Variants in GAB2 observed in about 807,000 individuals in gnomAD.
GAB2 encodes GRB2 associated binding protein 2.
GAB2 carries 26 observed loss-of-function variants against 65.5 expected under a neutral mutation model. The observed-to-expected ratio is 0.40, with a 90% CI of 0.29 to 0.55. The LOEUF is 0.55. GAB2 is among the 20% of genes least tolerant of loss of function. The pLI is 0.53. For missense variants in GAB2, 884 were observed against 875.8 expected (o/e 1.01, Z -0.12); for synonymous variants, 321 against 329.6 (o/e 0.97, Z 0.28).
intron 2 of GAB2, among the ~76,000 whole-genome samples, chr11:78,253,884 CGA>C (rs1865525375): frequency 6.6e-6 from 1 of 152,298 alleles, no homozygotes; most frequent in Admixed American, 6.5e-5. Context: ...AGAATAAAGT[CGA>C]GTTTCCTCAG....
At chr11:78,273,976 T>C (rs575776894) in intron 2 of GAB2, among the ~76,000 whole-genome samples, 4 of 152,026 alleles carry the variant, frequency 2.6e-5, no homozygotes, top group Non-Finnish European at 4.4e-5. Flanking sequence ...TCCTCAGTCA[T>C]GTGGAACTGT....
intron 4 of GAB2, among the ~76,000 whole-genome samples, chr11:78,225,955 TGG>T (rs1864632383): frequency 6.6e-6 from 1 of 152,220 alleles, no homozygotes; most frequent in African/African-American, 2.4e-5. Flanking sequence ...ATACTCTCAG[TGG>T]AAAACAAGTA....
intron 1 of GAB2, among the ~76,000 whole-genome samples, chr11:78,410,995 A>T (rs572285021): frequency 2.0e-4 from 30 of 151,924 alleles, no homozygotes; most frequent in African/African-American, 6.0e-4. Flanking sequence ...CAAATAATAA[A>T]AAAAAAAATT....
At chr11:78,260,006 C>G (rs1865689100) in intron 2 of GAB2, among the ~76,000 whole-genome samples, 1 of 152,158 alleles carries the variant, frequency 6.6e-6, no homozygotes, top group South Asian at 2.1e-4. Flanking sequence ...TATAGTATCA[C>G]TCATTATTTG....
At chr11:78,400,490 T>G (rs1024712950) in intron 1 of GAB2, among the ~76,000 whole-genome samples, 17 of 152,188 alleles carry the variant, frequency 1.1e-4, no homozygotes, top group Admixed American at 8.5e-4. Flanking sequence ...CTGTCAAAAT[T>G]AATTTGGATG....
At chr11:78,242,137 A>G (rs1356994973) in intron 3 of GAB2, among the ~76,000 whole-genome samples, 1 of 152,246 alleles carries the variant, frequency 6.6e-6, no homozygotes, top group Non-Finnish European at 1.5e-5. Context: ...GGAAATTTCA[A>G]AATTGTACAA....
intron 1 of GAB2, chr11:78,341,815 C>A (rs1856100535): frequency 1.0e-6 from 1 of 985,664 alleles, no homozygotes; most frequent in Non-Finnish European, 1.2e-6. Flanking sequence ...TATTGCTAGC[C>A]TCGCCTTTGT....
At chr11:78,294,283 T>C (rs890463430) in intron 1 of GAB2, among the ~76,000 whole-genome samples, 33 of 152,208 alleles carry the variant, frequency 2.2e-4, no homozygotes, top group Non-Finnish European at 3.7e-4. Flanking sequence ...CCATGGTGTA[T>C]ATGTGCCACA....
chr11:78,355,134 C>A (rs183533280), intron 1 of GAB2, among the ~76,000 whole-genome samples: 1 of 152,172 alleles, frequency 6.6e-6, no homozygotes, highest in Non-Finnish European at 1.5e-5. Context: ...AGATCCTCCA[C>A]GGGAATAGGG....
chr11:78,304,015 C>T (rs1215935411), intron 1 of GAB2, among the ~76,000 whole-genome samples: 1 of 151,492 alleles, frequency 6.6e-6, no homozygotes, highest in East Asian at 1.9e-4. Context: ...CAAATGAGGC[C>T]CATGAATTAT....
chr11:78,227,123 T>C (rs765266891), intron 3 of GAB2, 72 bp from the exon 4 acceptor site: 2 of 1,011,632 alleles, frequency 2.0e-6, no homozygotes, highest in East Asian at 2.5e-5. Context: ...GGCAAAGCAC[T>C]TTCTCTTTCT....
At chr11:78,280,487 T>C (rs1866304017) in intron 2 of GAB2, 114 bp downstream of exon 2, 1 of 854,130 alleles carries the variant, frequency 1.2e-6, no homozygotes, top group South Asian at 1.6e-5. Context: ...TTACCCTTTA[T>C]CTATGAACGC....
chr11:78,291,421 G>A (rs962826929), intron 1 of GAB2, among the ~76,000 whole-genome samples: 7 of 149,730 alleles, frequency 4.7e-5, no homozygotes, highest in Non-Finnish European at 7.4e-5. Flanking sequence ...AGCGGAGATC[G>A]CACCACTGCA....
chr11:78,397,374 C>T lies in GAB2; in HGVS notation c.75+20272G>A, dbSNP rs1222829949. Among the ~76,000 whole-genome samples the T allele has an allele frequency of 2.0e-5, 3 of 152,292 alleles. No individual in the cohort carries two copies. The East Asian group carries it at 5.8e-4, about 29-fold the overall frequency. On this transcript the variant is annotated intron_variant, in intron 1 of 9. Transcript: ENST00000361507. ...AGGCTACAAGAACATGAACAAAGGG[C>T]ATGGTGCATTGGAAAAGCTACCATT...
At chr11:78,393,211 AG>A (rs1307028660) in intron 1 of GAB2, among the ~76,000 whole-genome samples, 3 of 152,216 alleles carry the variant, frequency 2.0e-5, no homozygotes, top group Non-Finnish European at 4.4e-5. Flanking sequence ...AGGTCTCAAA[AG>A]GGAGCTGCTG....
At chr11:78,384,015 G>C (rs919809240) in intron 1 of GAB2, among the ~76,000 whole-genome samples, 1 of 152,164 alleles carries the variant, frequency 6.6e-6, no homozygotes, top group Non-Finnish European at 1.5e-5. Flanking sequence ...GCATAGTTGA[G>C]CAAAGAAAGA....
At chr11:78,332,647 A>G (rs1855934853) in intron 1 of GAB2, among the ~76,000 whole-genome samples, 1 of 152,264 alleles carries the variant, frequency 6.6e-6, no homozygotes, top group Non-Finnish European at 1.5e-5. Flanking sequence ...AGCAAGAGGT[A>G]GCAATGGCAT....
intron 1 of GAB2, among the ~76,000 whole-genome samples, chr11:78,285,357 C>A (rs10793294): frequency 0.62 from 94,030 of 152,120 alleles, 31,623 homozygotes; most frequent in Non-Finnish European, 0.78. Flanking sequence ...GTGGTGTAGG[C>A]TGATAAATGG....
intron 1 of GAB2, among the ~76,000 whole-genome samples, chr11:78,377,277 T>C (rs1426740560): frequency 6.6e-6 from 1 of 152,250 alleles, no homozygotes; most frequent in Non-Finnish European, 1.5e-5. Flanking sequence ...GTAGGTCCAG[T>C]GTCTGGTGAC....
Sources: gnomAD v4.1 joint callset for allele counts (sites outside exome capture counted in the v4.1 genomes callset) on GRCh38, gnomAD v4.1.1 for gene constraint, MANE v1.5 for transcripts, NCBI Gene and HGNC (gene_info 2026-07-23, HGNC 2026-07-21) for gene names.